Variants in OTOF observed in about 807,000 individuals in gnomAD.
The protein encoded by OTOF is fer-1-like family member 2.
Under a neutral mutation model 236.8 loss-of-function variants are expected in OTOF, and 218 were observed. The ratio of observed to expected loss-of-function variants is 0.92; its 90% CI spans 0.82 to 1.03. The LOEUF (loss-of-function observed/expected upper bound fraction) is 1.03, where lower values mean the gene tolerates loss of function less well. Ranked by LOEUF, OTOF falls within the 50% of genes least tolerant of loss-of-function variation. The probability of loss-of-function intolerance (pLI) is 0.00; values close to 1 mark genes in which losing one functional copy is unlikely to be tolerated. For synonymous variants in OTOF, 1,041 were observed against 1,072.5 expected, an observed-to-expected ratio of 0.97 and a Z score of 0.57; for missense variants, 2,590 against 2,694.4, an observed-to-expected ratio of 0.96 and a Z score of 0.86.
At chr2:26,498,705 AC>A (rs1469393881) in intron 8 of OTOF, among the ~76,000 whole-genome samples, 2 of 151,764 alleles carry the variant, frequency 1.3e-5, no homozygotes, top group African/African-American at 4.8e-5. Flanking sequence ...GTAAATCTAT[AC>A]CCCTGTCCTG....
chr2:26,522,472 G>A (rs1666700306), intron 3 of OTOF, among the ~76,000 whole-genome samples: 1 of 152,164 alleles, frequency 6.6e-6, no homozygotes, highest in Non-Finnish European at 1.5e-5. Flanking sequence ...GAAGCCCCTG[G>A]CTCTGGCCCT....
rs1372228382 is a variant in OTOF, at chr2:26,460,150, A to T, written c.5869T>A (p.Phe1957Ile). The T allele has an allele frequency of 6.2e-7, 1 of 1,603,508 alleles. No homozygotes were observed. Among genetic ancestry groups the T allele is most frequent in the Non-Finnish European group, 8.5e-7 (1 of 1,175,440 alleles). ...AGCCAGCGATACGTGTGCCACAAGAAGTAGCGAGCCGACTTGAGAGGGTTC... is the reference window on the plus strand; with the variant it reads ...AGCCAGCGATACGTGTGCCACAAGATGTAGCGAGCCGACTTGAGAGGGTTC... ...FLNPLKSARY[F>I]LWHTYRWLLL... The change falls in exon 46 of 47, where the codon TTC becomes ATC. Residue 1957 changes from phenylalanine to isoleucine, a missense_variant. Phe to Ile is a conservative substitution (Grantham distance 21). Transcript: ENST00000272371. The surrounding 1 kb of genome is among the most constrained non-coding windows in gnomAD (Gnocchi z 5.3).
Position 26,473,348 on chromosome 2 carries a change from G to C in OTOF, c.3571-54C>G. On this transcript the variant is annotated intron_variant, in intron 28 of 46. Transcript: ENST00000272371. This position sits in a 1 kb window ranked among gnomAD's most constrained non-coding sequence, Gnocchi z 7.2. ...CTCCAAGAAGGGGCAGAGGAAGCCG[G>C]CTGGCTGAGTGGAGCCACACTGGCC... The C allele has an allele frequency of 6.2e-7, 1 of 1,612,930 alleles. No homozygotes were observed. The highest frequency in any genetic ancestry group is 8.5e-7 in the Non-Finnish European group (1 of 1,179,806).
chr2:26,554,435 G>A (rs1035059997), intron 1 of OTOF, among the ~76,000 whole-genome samples: 5 of 151,612 alleles, frequency 3.3e-5, no homozygotes, highest in African/African-American at 7.3e-5. Flanking sequence ...CATGTCTGAT[G>A]TCTGTCCTGA....
At chr2:26,530,209 G>A (rs1240153519) in intron 2 of OTOF, among the ~76,000 whole-genome samples, 1 of 152,124 alleles carries the variant, frequency 6.6e-6, no homozygotes, top group Non-Finnish European at 1.5e-5. Flanking sequence ...CTTTGGAGAT[G>A]GCCCTGTGAA....
intron 3 of OTOF, among the ~76,000 whole-genome samples, chr2:26,525,549 G>C (rs556132083): frequency 6.6e-6 from 1 of 152,354 alleles, no homozygotes; most frequent in South Asian, 2.1e-4. Flanking sequence ...TAGGGGCAGG[G>C]ACTGTGCCTC....
Position 26,466,840 on chromosome 2 carries a change from G to T in OTOF, c.4374C>A (p.Cys1458Ter). 1 of 1,614,212 alleles carries T rather than the reference G, an allele frequency of 6.2e-7. No individual in the cohort carries two copies. The highest frequency in any genetic ancestry group is 8.5e-7 in the Non-Finnish European group (1 of 1,180,038). Residue 1458 changes from cysteine (C) to a stop codon, truncating the protein, a stop_gained, in exon 36 of 47, where the codon TGC becomes TGA. Coordinates refer to ENST00000272371, the MANE Select transcript of OTOF (RefSeq NM_194248.3). LOFTEE classifies it high-confidence loss of function. ...CCTCTGGGAGTGGCACTTTGTACACGCAGAGGGAGCCCTGGGCAAGACAAA... is the reference window on the plus strand; with the variant it reads ...CCTCTGGGAGTGGCACTTTGTACACTCAGAGGGAGCCCTGGGCAAGACAAA... ...RIVGRFKGSL[C>*]VYKVPLPEDV...
Position 26,460,992 on chromosome 2 carries a change from C to T in OTOF, c.5572G>A (p.Ala1858Thr), listed in dbSNP as rs140763301. The T allele has an allele frequency of 1.2e-5, 20 of 1,613,528 alleles. No homozygotes were observed. Among genetic ancestry groups the T allele is most frequent in the East Asian group, 1.1e-4 (5 of 44,854 alleles). ...ELDLNRFPRG[A>T]KTAKQCTMEM... is the part of the protein sequence containing the mutation. ...ATGGTGCACTGCTTGGCTGTCTTTG[C>T]GCCCCGCGGGAACCGGTTCAGGTCC... Residue 1858 changes from alanine (A) to threonine (T), a missense_variant, in exon 44 of 47, where the codon GCA (alanine) becomes ACA (threonine). Around this residue, in one of 2 missense-constraint regions of OTOF, gnomAD observed 1,211 missense variants for 1,352.8 expected, o/e 0.90. Transcript: ENST00000272371. The surrounding 1 kb of genome is among the most constrained non-coding windows in gnomAD (Gnocchi z 5.3).
chr2:26,517,290 C>T (rs1666557929), intron 4 of OTOF, among the ~76,000 whole-genome samples: 1 of 152,162 alleles, frequency 6.6e-6, no homozygotes, highest in Admixed American at 6.5e-5. Flanking sequence ...ATCACCCTTC[C>T]TCACTGGTCT....
chr2:26,554,583 G>T (rs1047398089), intron 1 of OTOF, among the ~76,000 whole-genome samples: 1 of 145,030 alleles, frequency 6.9e-6, no homozygotes, highest in Non-Finnish European at 1.5e-5. Flanking sequence ...ACTCCTTCAT[G>T]GAGGAGGTAG....
intron 1 of OTOF, among the ~76,000 whole-genome samples, chr2:26,552,558 A>G (rs1384405524): frequency 6.6e-6 from 1 of 152,208 alleles, no homozygotes; most frequent in Non-Finnish European, 1.5e-5. Flanking sequence ...GCAGTTTTAC[A>G]ATCATTTCCA....
At chr2:26,509,124 T>C (rs1211516209) in intron 5 of OTOF, among the ~76,000 whole-genome samples, 1 of 152,182 alleles carries the variant, frequency 6.6e-6, no homozygotes, top group East Asian at 1.9e-4. Context: ...TGGGACAGAC[T>C]GGGAAGCTGG....
At chr2:26,463,681 T>C in intron 40 of OTOF, 110 bp from the exon 41 acceptor site, 1 of 983,204 alleles carries the variant, frequency 1.0e-6, no homozygotes, top group Non-Finnish European at 1.6e-6. Flanking sequence ...AGTTCATCAG[T>C]TTCCATCTTT....
intron 14 of OTOF, among the ~76,000 whole-genome samples, chr2:26,481,970 C>G (rs1665551518): frequency 6.6e-6 from 1 of 152,142 alleles, no homozygotes; most frequent in Admixed American, 6.5e-5. Context: ...TGGAACCCAG[C>G]ACAGGGCAGG....
chr2:26,501,645 T>A, intron 8 of OTOF, 109 bp downstream of exon 8: 9 of 796,644 alleles, frequency 1.1e-5, no homozygotes, highest in African/African-American at 1.7e-5. Context: ...CTTGTTGTTC[T>A]CTATGACCCC....
At chr2:26,464,193 A>T (rs983175544) in intron 39 of OTOF, 87 bp from the exon 40 acceptor site, 27 of 1,518,404 alleles carry the variant, frequency 1.8e-5, no homozygotes, top group Non-Finnish European at 2.4e-5. Context: ...AGCACAAAGA[A>T]GCCTCTATGC....
chr2:26,501,410 C>T (rs957992992), intron 8 of OTOF, among the ~76,000 whole-genome samples: 1 of 152,132 alleles, frequency 6.6e-6, no homozygotes. Context: ...CTTCAAAGGC[C>T]CTTATTTTAA....
intron 5 of OTOF, among the ~76,000 whole-genome samples, chr2:26,510,167 G>A (rs894769828): frequency 3.9e-5 from 6 of 152,208 alleles, no homozygotes; most frequent in African/African-American, 1.4e-4. Context: ...GCCTTTTGGG[G>A]AGATGAAGAT....
Position 26,473,347 on chromosome 2 carries a change from G to A in OTOF, c.3571-53C>T, listed in dbSNP as rs145094219. 2.2e-4 allele frequency: 356 copies of A among 1,613,000 alleles called. 2 individuals carry two copies. The African/African-American group carries it at 3.7e-3, about 17-fold the overall frequency. ...CCTCCAAGAAGGGGCAGAGGAAGCC[G>A]GCTGGCTGAGTGGAGCCACACTGGC... is the stretch of plus-strand genomic sequence containing the variant. On this transcript the variant is annotated intron_variant, in intron 28 of 46. Coordinates refer to ENST00000272371, the MANE Select transcript of OTOF (RefSeq NM_194248.3). This position sits in a 1 kb window ranked among gnomAD's most constrained non-coding sequence, Gnocchi z 7.2.
Sources: gnomAD v4.1 joint callset for allele counts (sites outside exome capture counted in the v4.1 genomes callset) on GRCh38, gnomAD v4.1.1 for gene constraint, gnomAD v4.1.1 regional missense constraint, Gnocchi (gnomAD v3.1) non-coding constraint, MANE v1.5 for transcripts, NCBI Gene and HGNC (gene_info 2026-07-23, HGNC 2026-07-21) for gene names.